The following SLC35F4 variants were observed in gnomAD, a reference collection of about 807,000 sequenced individuals.
SLC35F4 encodes chromosome 14 open reading frame 36.
A neutral mutation model predicts 44.2 loss-of-function variants in SLC35F4; 24 were observed. The ratio of observed to expected loss-of-function variants is 0.54; its 90% CI spans 0.39 to 0.76. SLC35F4 has a LOEUF of 0.76. Among genes scored for constraint, SLC35F4 ranks in the 30% least tolerant of loss-of-function variants. The pLI is 0.00. For synonymous variants in SLC35F4, 238 were observed against 223.6 expected (o/e 1.06, Z -0.57); for missense variants, 562 against 586.1 (o/e 0.96, Z 0.42).
chr14:57,968,248 T>TA (rs1880946026), intron 1 of SLC35F4, among the ~76,000 whole-genome samples: 2 of 152,206 alleles, frequency 1.3e-5, no homozygotes, highest in African/African-American at 4.8e-5. Context: ...ACAAGTAAAA[T>TA]AAAATGATTC....
chr14:57,766,781 A>T (rs1036386106), intron 1 of SLC35F4, among the ~76,000 whole-genome samples: 1 of 152,254 alleles, frequency 6.6e-6, no homozygotes, highest in Non-Finnish European at 1.5e-5. Flanking sequence ...AAAACATAAA[A>T]ATAAAAACAA....
chr14:57,941,190 C>T (rs1594640298), intron 1 of SLC35F4, among the ~76,000 whole-genome samples: 1 of 152,090 alleles, frequency 6.6e-6, no homozygotes, highest in Non-Finnish European at 1.5e-5. Flanking sequence ...CTCTTAGATA[C>T]ACACACAAAA....
In SLC35F4 at chr14:57,569,768, C is replaced by T; in HGVS notation, c.1126+20G>A. ...AAAGATTGATATAGGGAATGGAAGG[C>T]AAAACCCGAGGCCACTTACCCAGCC... is the stretch of plus-strand genomic sequence containing the variant. On this transcript the variant is annotated intron_variant, in intron 6 of 7. Transcript: ENST00000556826. 6.4e-7 allele frequency: 1 copy of T among 1,560,756 alleles called. No individual in the cohort carries two copies. Among genetic ancestry groups the T allele is most frequent in the Non-Finnish European group, 8.6e-7 (1 of 1,159,116 alleles).
At chr14:57,974,368 C>T (rs1881147169), downstream of SLC35F4, among the ~76,000 whole-genome samples, 1 of 152,176 alleles carries the variant, frequency 6.6e-6, no homozygotes, top group African/African-American at 2.4e-5. Flanking sequence ...CTCAGAGCAA[C>T]ACATTGACCA....
At chr14:57,577,618 G>GAGA in intron 4 of SLC35F4, among the ~76,000 whole-genome samples, 1 of 151,828 alleles carries the variant, frequency 6.6e-6, no homozygotes, top group Non-Finnish European at 1.5e-5. Flanking sequence ...ACCAACAGCA[G>GAGA]AGAAGAAAGC....
intron 1 of SLC35F4, among the ~76,000 whole-genome samples, chr14:57,757,364 T>C (rs1321957261): frequency 1.3e-5 from 2 of 152,208 alleles, no homozygotes; most frequent in Non-Finnish European, 2.9e-5. Flanking sequence ...ATCTTTCAAT[T>C]GGGATCTTTA....
At chr14:57,927,855 A>T (rs1289445645) in intron 1 of SLC35F4, among the ~76,000 whole-genome samples, 1 of 152,058 alleles carries the variant, frequency 6.6e-6, no homozygotes, top group Non-Finnish European at 1.5e-5. Context: ...AAATTTGATG[A>T]AGTCCAATTT....
intron 1 of SLC35F4, among the ~76,000 whole-genome samples, chr14:57,625,646 G>A (rs9743994): frequency 0.096 from 14,560 of 151,944 alleles, 1,331 homozygotes; most frequent in African/African-American, 0.24. Context: ...AAATAACACC[G>A]CACATCTACA....
At chr14:57,574,507 G>C (rs1173320820) in intron 4 of SLC35F4, among the ~76,000 whole-genome samples, 1 of 152,156 alleles carries the variant, frequency 6.6e-6, no homozygotes, top group Admixed American at 6.5e-5. Flanking sequence ...CATGACATGA[G>C]CAGTAATTCA....
At chr14:57,953,762 C>T (rs961452785) in intron 1 of SLC35F4, among the ~76,000 whole-genome samples, 3 of 152,158 alleles carry the variant, frequency 2.0e-5, no homozygotes, top group African/African-American at 7.2e-5. Flanking sequence ...TACAGGAGCA[C>T]CCAGATTCAT....
intron 1 of SLC35F4, among the ~76,000 whole-genome samples, chr14:57,690,765 C>A (rs2075207963): frequency 6.6e-6 from 1 of 151,918 alleles, no homozygotes; most frequent in Non-Finnish European, 1.5e-5. Context: ...AAGGAGTACA[C>A]AATCTAGATC....
chr14:57,942,085 A>C (rs900686311), intron 1 of SLC35F4, among the ~76,000 whole-genome samples: 3 of 152,222 alleles, frequency 2.0e-5, no homozygotes, highest in African/African-American at 7.2e-5. Flanking sequence ...CACATTTTGC[A>C]ATCCTGGTTA....
intron 1 of SLC35F4, among the ~76,000 whole-genome samples, chr14:57,920,107 C>G (rs969839892): frequency 1.3e-5 from 2 of 152,144 alleles, no homozygotes; most frequent in Admixed American, 1.3e-4. Flanking sequence ...GTTAAAAACT[C>G]ACGTTTCTTT....
At chr14:57,865,593 G>A in intron 1 of SLC35F4, 130 bp downstream of exon 1, 1 of 674,174 alleles carries the variant, frequency 1.5e-6, no homozygotes, top group Non-Finnish European at 2.3e-6. Context: ...CCGCCAGGAA[G>A]GCGGTGTTGA....
intron 1 of SLC35F4, among the ~76,000 whole-genome samples, chr14:57,871,361 A>C (rs1400572688): frequency 2.0e-5 from 3 of 152,148 alleles, no homozygotes; most frequent in African/African-American, 7.2e-5. Flanking sequence ...TGCATTTCCC[A>C]CTATTTTTAT....
At chr14:57,688,931 A>T (rs912045327) in intron 1 of SLC35F4, among the ~76,000 whole-genome samples, 1 of 152,222 alleles carries the variant, frequency 6.6e-6, no homozygotes. Context: ...TATGATGGTT[A>T]GTACTAGAGA....
rs183027063 is a variant in SLC35F4 at position 57,861,943 on chromosome 14, C to T, written c.103+3780G>A. 2.6e-5 allele frequency among the ~76,000 whole-genome samples: 4 copies of T among 152,240 alleles called. No individual in the cohort carries two copies. The East Asian group carries it at 7.7e-4, about 29-fold the overall frequency. On this transcript the variant is annotated intron_variant, in intron 1 of 7. Transcript: ENST00000556826. Reference sequence around the variant, plus strand: ...CTCATCCAGTCTTAGGCCTTAAATACCACCCAAGTACTGGCAAATCCTTAA... The same window carrying T: ...CTCATCCAGTCTTAGGCCTTAAATATCACCCAAGTACTGGCAAATCCTTAA...
intron 1 of SLC35F4, among the ~76,000 whole-genome samples, chr14:57,961,948 G>A (rs906105848): frequency 1.3e-5 from 2 of 152,118 alleles, no homozygotes; most frequent in African/African-American, 2.4e-5. Flanking sequence ...CTCTCCTCCT[G>A]AGAGACTGAA....
intron 1 of SLC35F4, among the ~76,000 whole-genome samples, chr14:57,772,734 C>T (rs921324739): frequency 6.6e-6 from 1 of 152,130 alleles, no homozygotes; most frequent in Non-Finnish European, 1.5e-5. Flanking sequence ...TTATATATCA[C>T]ATTTATTTAT....
Sources: allele counts gnomAD v4.1 joint callset (sites outside exome capture counted in the v4.1 genomes callset), GRCh38; gene constraint gnomAD v4.1.1; transcripts MANE v1.5; gene names NCBI Gene and HGNC (gene_info 2026-07-23, HGNC 2026-07-21).